The following NBPF11 variants were observed in gnomAD, a reference collection of about 807,000 sequenced individuals.
NBPF11 encodes NBPF family member NBPF11.
Under a neutral mutation model 93.9 loss-of-function variants are expected in NBPF11, and 72 were observed. That is an observed-to-expected ratio of 0.77 (90% CI 0.63 to 0.93). The LOEUF is 0.93. NBPF11 is among the 40% of genes least tolerant of loss of function. NBPF11 has a pLI of 0.00. For synonymous variants in NBPF11, 224 were observed against 304.9 expected, an observed-to-expected ratio of 0.73 and a Z score of 2.76; for missense variants, 705 against 802.2, an observed-to-expected ratio of 0.88 and a Z score of 1.46.
intron 1 of NBPF11, among the ~76,000 whole-genome samples, chr1:148,149,797 A>AG (rs1268219576): frequency 1.3e-5 from 2 of 151,892 alleles, no homozygotes; most frequent in Non-Finnish European, 2.9e-5. Flanking sequence ...TTAAAAAAAA[A>AG]AAAAAGATTT....
At chr1:148,150,038 TATC>T (rs1409170816) in intron 1 of NBPF11, among the ~76,000 whole-genome samples, 6 of 151,864 alleles carry the variant, frequency 4.0e-5, no homozygotes, top group Non-Finnish European at 7.4e-5. Context: ...ACTAAAGTTT[TATC>T]ATTCATATAG....
chr1:148,148,236 G>A (rs1276224012), intron 1 of NBPF11, among the ~76,000 whole-genome samples: 1 of 152,260 alleles, frequency 6.6e-6, no homozygotes, highest in Non-Finnish European at 1.5e-5. Flanking sequence ...CCAGGGACGG[G>A]GACAGCCCTG....
chr1:148,125,822 T>C (rs1668979834), intron 5 of NBPF11, among the ~76,000 whole-genome samples: 1 of 151,844 alleles, frequency 6.6e-6, no homozygotes, highest in South Asian at 2.1e-4. Context: ...ACAAGCAACA[T>C]GGATGGAGCC....
In NBPF11 at chr1:148,135,816, A is replaced by G; in HGVS notation, c.-177-3T>C. 1 of 651,376 alleles carries G rather than the reference A, an allele frequency of 1.5e-6. No homozygotes were observed. The highest frequency in any genetic ancestry group is 1.8e-5 in the South Asian group (1 of 56,490). The allele number at this position is 651,376 out of a possible 1,614,324, so 40.3% of individuals were successfully genotyped here. ...TTGACCATCCTTATCTTCAAGGGCT[A>G]CCAAGAAGAAACAAATAATTTATTT... On this transcript the variant is annotated splice_polypyrimidine_tract_variant and splice_region_variant and intron_variant, in intron 3 of 23. Transcript: ENST00000682118.
intron 1 of NBPF11, chr1:148,146,589 C>G (rs1673132191): frequency 6.2e-7 from 1 of 1,608,886 alleles, no homozygotes; most frequent in African/African-American, 1.3e-5. Context: ...CACCCGGGCG[C>G]TGGAAGCTGC....
chr1:148,133,677 C>T (rs1424958248), intron 4 of NBPF11, among the ~76,000 whole-genome samples: 14 of 151,380 alleles, frequency 9.2e-5, no homozygotes, highest in Non-Finnish European at 1.9e-4. Context: ...GTGGCTCACG[C>T]CTGTAATCCC....
At position 148,102,584 on chromosome 1, in the gene NBPF11, A is replaced by C. The variant is rs1359538198; in HGVS notation, c.*1312T>G. The C allele has an allele frequency of 6.6e-6, 1 of 151,234 alleles. No individual in the cohort carries two copies. The allele number at this position is 151,234 out of a possible 1,614,324, so 9.4% of individuals were successfully genotyped here. A position where few individuals can be genotyped will look rare whatever the true frequency, so the allele number is the denominator to read the frequency against. Reference sequence around the variant, plus strand: ...CATTGTCTCTGCAGTGTTCCCGTCAAAAAGTTTAGGCTGAATTTAATTATG... The same window carrying C: ...CATTGTCTCTGCAGTGTTCCCGTCACAAAGTTTAGGCTGAATTTAATTATG... On this transcript the variant is annotated 3_prime_UTR_variant, in exon 24 of 24. Transcript: ENST00000682118.
chr1:148,142,894 C>T (rs1236580028), intron 2 of NBPF11, among the ~76,000 whole-genome samples: 2 of 152,234 alleles, frequency 1.3e-5, no homozygotes, highest in African/African-American at 4.8e-5. Context: ...CTCTTTTAAC[C>T]CATTATACTG....
intron 1 of NBPF11, chr1:148,146,581 C>T: frequency 1.2e-6 from 2 of 1,608,042 alleles, no homozygotes; most frequent in Non-Finnish European, 1.7e-6. Context: ...CTCGGGCGCA[C>T]CCGGGCGCTG....
At chr1:148,132,460 A>G (rs1670565658) in intron 4 of NBPF11, among the ~76,000 whole-genome samples, 1 of 149,150 alleles carries the variant, frequency 6.7e-6, no homozygotes, top group Non-Finnish European at 1.5e-5. Context: ...TAATATTGCT[A>G]TTTTATTATT....
rs1398233394 is a variant in NBPF11 at position 148,120,694 on chromosome 1, A to C, written c.795T>G (p.Ser265=). ...CCACCATGCTGACGTTTGTGGCAGA[A>C]GAGGTGGGGCCAGGGACTGGGGAGA... ...LNILPVPGPT[S]SATNVSMVVS... is the part of the protein sequence containing the mutation. The change falls in exon 10 of 24, where the codon TCT becomes TCG. Residue 265 remains serine, a synonymous_variant. Transcript: ENST00000682118. 5.2e-5 allele frequency: 80 copies of C among 1,525,174 alleles called. No individual in the cohort carries two copies. The highest frequency in any genetic ancestry group is 7.1e-5 in the Non-Finnish European group (78 of 1,101,054). 94.5% of individuals were successfully genotyped at this position (1,525,174 alleles called of 1,614,324 possible).
At chr1:148,113,200 T>A (rs1665723515) in intron 15 of NBPF11, among the ~76,000 whole-genome samples, 1 of 151,926 alleles carries the variant, frequency 6.6e-6, no homozygotes, top group African/African-American at 2.4e-5. Context: ...TCAAGACCCA[T>A]CAGTGTGCTG....
chr1:148,122,234 G>C lies in NBPF11; in HGVS notation c.599C>G (p.Pro200Arg), dbSNP rs1668039170. The C allele has an allele frequency of 3.1e-6, 5 of 1,611,874 alleles. No homozygotes were observed. The South Asian group carries it at 3.3e-5, about 11-fold the overall frequency. The part of the protein sequence containing the change: ...EVQKAEESKV[P>R]EDSLEECAIT... ...GGCACATTCCTCCAGTGAGTCCTCA[G>C]GGACTTTGCTCTCTTCAGCCTTCTG... The change falls in exon 9 of 24, where the codon CCT (proline) becomes CGT (arginine). Residue 200 changes from proline (P) to arginine (R), a missense_variant. Pro to Arg is a moderately radical substitution (Grantham distance 103). Coordinates refer to ENST00000682118, the MANE Select transcript of NBPF11 (RefSeq NM_001385469.3).
chr1:148,137,070 T>C (rs1671418674), intron 3 of NBPF11, among the ~76,000 whole-genome samples: 1 of 152,060 alleles, frequency 6.6e-6, no homozygotes, highest in Admixed American at 6.5e-5. Context: ...CACACCCTTG[T>C]CTCTAAAGCC....
At chr1:148,124,871 C>A in intron 6 of NBPF11, 28 bp downstream of exon 6, 19 of 1,604,924 alleles carry the variant, frequency 1.2e-5, no homozygotes, top group Non-Finnish European at 1.5e-5. Context: ...CACCTACCTG[C>A]CTGTCTCCCC....
intron 4 of NBPF11, among the ~76,000 whole-genome samples, chr1:148,133,523 T>G (rs1157690094): frequency 1.3e-5 from 2 of 152,130 alleles, no homozygotes; most frequent in Non-Finnish European, 2.9e-5. Context: ...TTTTCTGGGG[T>G]TTGTTTTTAT....
intron 17 of NBPF11, 132 bp from the exon 18 acceptor site, chr1:148,108,786 T>C: frequency 2.8e-6 from 2 of 703,468 alleles, no homozygotes; most frequent in Non-Finnish European, 5.2e-6. Flanking sequence ...AGGTAACAAA[T>C]TATTGCCTTT....
In NBPF11 at chr1:148,152,077, C is replaced by G. The variant is rs1199597034; in HGVS notation, c.-876G>C. On this transcript the variant is annotated 5_prime_UTR_variant, in exon 1 of 24. Coordinates refer to ENST00000682118, the MANE Select transcript of NBPF11 (RefSeq NM_001385469.3). ...CCTCTACCGCACAGCGGGTTCGGGCCGCGGGCCGAGAAAAGGAGTAATGGA... is the reference window on the plus strand; with the variant it reads ...CCTCTACCGCACAGCGGGTTCGGGCGGCGGGCCGAGAAAAGGAGTAATGGA... 1.3e-5 allele frequency: 2 copies of G among 152,136 alleles called. No individual in the cohort carries two copies. The highest frequency in any genetic ancestry group is 1.9e-4 in the East Asian group (1 of 5,180). The allele number at this position is 152,136 out of a possible 1,614,324, so 9.4% of individuals were successfully genotyped here.
Position 148,122,116 on chromosome 1 carries a change from A to G in NBPF11, c.717T>C (p.Ser239=). 3.1e-6 allele frequency: 5 copies of G among 1,613,484 alleles called. No individual in the cohort carries two copies. The highest frequency in any genetic ancestry group is 4.2e-6 in the Non-Finnish European group (5 of 1,179,584). ...ITFEEDKVNS[S]LVVDRESSHD... is the part of the protein sequence containing the mutation. ...GAGAGGATTCTCTGTCTACAACCAG[A>G]GATGAGTTGACTTTGTCTTCCTCAA... Residue 239 remains serine (S), a synonymous_variant, in exon 9 of 24, where the codon TCT becomes TCC. Coordinates refer to ENST00000682118, the MANE Select transcript of NBPF11 (RefSeq NM_001385469.3).
Sources: gnomAD v4.1 joint callset for allele counts (sites outside exome capture counted in the v4.1 genomes callset) on GRCh38, gnomAD v4.1.1 for gene constraint, MANE v1.5 for transcripts, NCBI Gene and HGNC (gene_info 2026-07-23, HGNC 2026-07-21) for gene names.